The following SPTB variants were observed in gnomAD, a reference collection of about 807,000 sequenced individuals.
The protein encoded by SPTB is spectrin beta, erythrocytic.
Under a neutral mutation model 256.2 loss-of-function variants are expected in SPTB, and 45 were observed. The observed-to-expected ratio is 0.18, with a 90% CI of 0.14 to 0.23. SPTB has a LOEUF of 0.23. SPTB is among the 10% of genes least tolerant of loss of function. The pLI, the probability that SPTB is intolerant of heterozygous loss-of-function variation, is 1.00. For synonymous variants in SPTB, 1,231 were observed against 1,243.1 expected (o/e 0.99, Z 0.21); for missense variants, 2,715 against 3,040.4 (o/e 0.89, Z 2.52).
chr14:64,751,444 T>C (rs2081949285), intron 33 of SPTB, among the ~76,000 whole-genome samples: 3 of 152,096 alleles, frequency 2.0e-5, no homozygotes, highest in Admixed American at 6.6e-5. Context: ...TTTCTTAAAA[T>C]AATTTTGAAT....
rs371208991 is a variant in SPTB at position 64,795,650 on chromosome 14, G to A, written c.1342-11C>T. On this transcript the variant is annotated splice_polypyrimidine_tract_variant and intron_variant, in intron 11 of 35. Coordinates refer to ENST00000644917, the MANE Select transcript of SPTB (RefSeq NM_001355436.2). The surrounding 1 kb of genome is among the most constrained non-coding windows in gnomAD (Gnocchi z 6.5). ...ATACCCAAAGTTATCCTGCCCCACC[G>A]GGAGAAAAACAGGCAGCTCAGTCAG... 1.8e-5 allele frequency: 29 copies of A among 1,613,474 alleles called. No individual in the cohort carries two copies. Among genetic ancestry groups the A allele is most frequent in the Admixed American group, 1.0e-4 (6 of 59,984 alleles).
In SPTB at chr14:64,786,868, C is replaced by T. The variant is rs1164403722; in HGVS notation, c.3097G>A (p.Gly1033Ser). Residue 1033 changes from glycine to serine, a missense_variant, in exon 16 of 36, where the codon GGT becomes AGT. Physicochemically the swap from Gly to Ser is moderately conservative, Grantham distance 56. Transcript: ENST00000644917. The surrounding 1 kb of genome is among the most constrained non-coding windows in gnomAD (Gnocchi z 5.6). ...TCCTCCAAGTGTTTTTGCCGCTGAC[C>T]AATATCCTCCTTCTGCTCAGGGTGC... ...DSHPEQKEDIGQRQKHLEELW... is the reference protein window; with the variant it reads ...DSHPEQKEDISQRQKHLEELW... 13 of 1,613,000 alleles carry T rather than the reference C, an allele frequency of 8.1e-6. No individual in the cohort carries two copies. The highest frequency in any genetic ancestry group is 1.1e-5 in the Non-Finnish European group (13 of 1,180,046).
intron 26 of SPTB, among the ~76,000 whole-genome samples, chr14:64,771,544 C>A (rs188299732): frequency 7.9e-4 from 121 of 152,246 alleles, no homozygotes; most frequent in African/African-American, 2.8e-3. Flanking sequence ...AGTAACTGGT[C>A]CAGGGTCCTT....
At chr14:64,820,584 A>G (rs776351164) in intron 2 of SPTB, among the ~76,000 whole-genome samples, 2 of 152,194 alleles carry the variant, frequency 1.3e-5, no homozygotes, top group Non-Finnish European at 2.9e-5. Flanking sequence ...GGGCATTCAG[A>G]TTCTCTGGTA....
chr14:64,785,990 C>T lies in SPTB; in HGVS notation c.3562-39G>A, dbSNP rs530951278. ...TTTCCAGACAAGGCATGAAGACACACGGAGGAGGTGATGAGCACACCTCCC... is the reference window on the plus strand; with the variant it reads ...TTTCCAGACAAGGCATGAAGACACATGGAGGAGGTGATGAGCACACCTCCC... On this transcript the variant is annotated intron_variant, in intron 16 of 35. Coordinates refer to ENST00000644917, the MANE Select transcript of SPTB (RefSeq NM_001355436.2). This position sits in a 1 kb window ranked among gnomAD's most constrained non-coding sequence, Gnocchi z 4.4. The T allele has an allele frequency of 1.3e-4, 203 of 1,607,344 alleles. No individual in the cohort carries two copies. In the South Asian group the frequency reaches 1.5e-3, roughly 12 times the overall value.
intron 26 of SPTB, 112 bp from the exon 27 acceptor site, chr14:64,771,241 C>G: frequency 6.5e-7 from 1 of 1,547,304 alleles, no homozygotes; most frequent in Non-Finnish European, 8.8e-7. Context: ...CAGGGCACTG[C>G]TGGAAGGTAG....
At chr14:64,830,373 A>G (rs778257716) in intron 1 of SPTB, among the ~76,000 whole-genome samples, 60 of 65,974 alleles carry the variant, frequency 9.1e-4, no homozygotes, top group African/African-American at 4.7e-3. Context: ...TATTATTATT[A>G]TTATTATTTT....
chr14:64,803,636 G>C lies in SPTB; in HGVS notation c.445C>G (p.Leu149Val). The change falls in exon 4 of 36, where the codon CTC becomes GTC. Residue 149 changes from leucine to valine, a missense_variant. This residue lies in a region of SPTB where 416 missense variants were observed against 571.1 expected (regional missense o/e 0.73). Coordinates refer to ENST00000644917, the MANE Select transcript of SPTB (RefSeq NM_001355436.2). ...VDGNHRLVLG[L>V]IWTIILRFQI... ...AAGCGGAGGATGATGGTCCAGATGA[G>C]GCCCAGGACCAGGCGGTGGTTGCCA... 1 of 1,614,216 alleles carries C rather than the reference G, an allele frequency of 6.2e-7. No homozygotes were observed. The highest frequency in any genetic ancestry group is 1.1e-5 in the South Asian group (1 of 91,090).
In SPTB at chr14:64,777,842, C is replaced by G. The variant is rs879614660; in HGVS notation, c.4563+1315G>C. Among the ~76,000 whole-genome samples, 2 of 152,182 alleles carry G rather than the reference C, an allele frequency of 1.3e-5. No homozygotes were observed. Among genetic ancestry groups the G allele is most frequent in the Non-Finnish European group, 1.5e-5 (1 of 68,034 alleles). On this transcript the variant is annotated intron_variant, in intron 22 of 35. Coordinates refer to ENST00000644917, the MANE Select transcript of SPTB (RefSeq NM_001355436.2). The surrounding 1 kb of genome is among the most constrained non-coding windows in gnomAD (Gnocchi z 4.5). ...AGGGCAGTCACGCTGTCCCAAGAGG[C>G]TGCCTTTCCCTTCTTGGTTAGGGGA...
rs112923222 is a variant in SPTB at position 64,793,549 on chromosome 14, G to A, written c.2114C>T (p.Ala705Val). 88 of 1,613,986 alleles carry A rather than the reference G, an allele frequency of 5.5e-5. No homozygotes were observed. Among genetic ancestry groups the A allele is most frequent in the Non-Finnish European group, 6.9e-5 (81 of 1,180,032 alleles). ...QIFQEAHGMVARKQFGHPQIE... is the reference protein window; with the variant it reads ...QIFQEAHGMVVRKQFGHPQIE... ...CTGCGGGTGCCCAAACTGCTTGCGC[G>A]CAACCATGCCATGAGCCTCCTGGAA... The change falls in exon 14 of 36, where the codon GCG becomes GTG. Residue 705 changes from alanine to valine, a missense_variant. This residue lies in a region of SPTB where 2,239 missense variants were observed against 2,384.4 expected (regional missense o/e 0.94). Transcript: ENST00000644917. The surrounding 1 kb of genome is among the most constrained non-coding windows in gnomAD (Gnocchi z 7.0).
chr14:64,822,416 T>C (rs1284677485), intron 2 of SPTB, among the ~76,000 whole-genome samples: 1 of 11,312 alleles, frequency 8.8e-5, no homozygotes, highest in East Asian at 2.4e-3. Flanking sequence ...AGATCTATTA[T>C]GAACCTGCTA....
chr14:64,856,570 C>T (rs1007932400), intron 1 of SPTB, among the ~76,000 whole-genome samples: 10 of 152,130 alleles, frequency 6.6e-5, no homozygotes, highest in African/African-American at 2.4e-4. Context: ...AAGCCTTCTT[C>T]CATTTGAAAA....
intron 2 of SPTB, among the ~76,000 whole-genome samples, chr14:64,809,224 T>C (rs1205848020): frequency 2.2e-5 from 3 of 138,064 alleles, no homozygotes; most frequent in African/African-American, 8.2e-5. Context: ...ATCCCACCAT[T>C]GTACTCCAGC....
chr14:64,751,927 C>CAAAAAAAAAAAAAAAAAAAAAAA (rs374561563), intron 33 of SPTB, among the ~76,000 whole-genome samples: 14 of 71,940 alleles, frequency 1.9e-4, no homozygotes, highest in Non-Finnish European at 3.2e-4. Context: ...ACTAAAAATG[C>CAAAAAAAAAAAAAAAAAAAAAAA]AAAAAAAAAA....
intron 1 of SPTB, among the ~76,000 whole-genome samples, chr14:64,849,152 T>A (rs1306121468): frequency 6.6e-6 from 1 of 152,224 alleles, no homozygotes; most frequent in African/African-American, 2.4e-5. Context: ...GCTGCAAAAA[T>A]AATAACATGT....
At chr14:64,780,018 C>A in intron 20 of SPTB, 87 bp from the exon 21 acceptor site, 1 of 1,180,436 alleles carries the variant, frequency 8.5e-7, no homozygotes, top group African/African-American at 1.5e-5. Context: ...CCCACCCATC[C>A]TTTAAGGCCC....
chr14:64,766,847 GC>G, intron 31 of SPTB, 46 bp from the exon 32 acceptor site: 1 of 1,603,450 alleles, frequency 6.2e-7, no homozygotes. Context: ...CCCCTCTGAG[GC>G]CAGTGCCTCC....
chr14:64,782,432 A>T lies in SPTB; in HGVS notation c.4124T>A (p.Leu1375His). 6.2e-7 allele frequency: 1 copy of T among 1,614,146 alleles called. No homozygotes were observed. Among genetic ancestry groups the T allele is most frequent in the Non-Finnish European group, 8.5e-7 (1 of 1,180,038 alleles). ...QATTKEKTQHLSAARSSDLRL... is the reference protein window; with the variant it reads ...QATTKEKTQHHSAARSSDLRL... Reference sequence around the variant, plus strand: ...CAGGTCGGAGCTCCTGGCAGCCGAGAGGTGCTGGGTCTTCTCCTTTGTGGT... The same window carrying T: ...CAGGTCGGAGCTCCTGGCAGCCGAGTGGTGCTGGGTCTTCTCCTTTGTGGT... Residue 1375 changes from leucine to histidine, a missense_variant, in exon 20 of 36, where the codon CTC becomes CAC. By Grantham distance (99) the Leu-to-His change is moderately conservative (BLOSUM62 -3). Around this residue, in one of 4 missense-constraint regions of SPTB, gnomAD observed 2,239 missense variants for 2,384.4 expected, o/e 0.94. Transcript: ENST00000644917.
rs758903057 is a variant in SPTB, at chr14:64,793,077, C to T, written c.2586G>A (p.Leu862=). ...TVFGETDACE[L]WMGEKEKWLA... ...GCCACTTCTCCTTCTCTCCCATCCA[C>T]AGCTCACAGGCGTCTGTCTCCCCGA... Residue 862 remains leucine, a synonymous_variant, in exon 14 of 36, where the codon CTG becomes CTA. Coordinates refer to ENST00000644917, the MANE Select transcript of SPTB (RefSeq NM_001355436.2). The surrounding 1 kb of genome is among the most constrained non-coding windows in gnomAD (Gnocchi z 7.0). 2.5e-6 allele frequency: 4 copies of T among 1,614,032 alleles called. No homozygotes were observed. The highest frequency in any genetic ancestry group is 3.4e-6 in the Non-Finnish European group (4 of 1,180,056).
Sources: allele counts gnomAD v4.1 joint callset (sites outside exome capture counted in the v4.1 genomes callset), GRCh38; gene constraint gnomAD v4.1.1; regional missense constraint gnomAD v4.1.1; non-coding constraint Gnocchi (gnomAD v3.1); transcripts MANE v1.5; gene names NCBI Gene and HGNC (gene_info 2026-07-23, HGNC 2026-07-21).